The following ATP9A variants were observed in gnomAD, a reference collection of about 807,000 sequenced individuals.
ATP9A encodes probable phospholipid-transporting ATPase IIA.
ATP9A carries 52 observed loss-of-function variants against 144.1 expected under a neutral mutation model. The ratio of observed to expected loss-of-function variants is 0.36; its 90% CI spans 0.29 to 0.45. ATP9A has a LOEUF of 0.45. ATP9A is among the 20% of genes least tolerant of loss of function. The pLI is 1.00. For missense variants in ATP9A, 947 were observed against 1,392.7 expected, an observed-to-expected ratio of 0.68 and a Z score of 5.09; for synonymous variants, 582 against 557.4, an observed-to-expected ratio of 1.04 and a Z score of -0.62.
intron 16 of ATP9A, 97 bp downstream of exon 16, chr20:51,628,883 A>G: frequency 1.0e-6 from 1 of 997,272 alleles, no homozygotes; most frequent in South Asian, 1.5e-5. Context: ...TTACACAGCC[A>G]CCGATAACAA....
Position 51,597,868 on chromosome 20 carries a change from A to C in ATP9A, c.*3343T>G, listed in dbSNP as rs1182208949. ...AGGAAATGTTCATAAAGAGACAATGATTTTTAAGATTTACTGTCACAAAAA... is the reference window on the plus strand; with the variant it reads ...AGGAAATGTTCATAAAGAGACAATGCTTTTTAAGATTTACTGTCACAAAAA... On this transcript the variant is annotated 3_prime_UTR_variant, in exon 28 of 28. Transcript: ENST00000338821. The C allele has an allele frequency of 1.3e-5, 2 of 150,288 alleles. No individual in the cohort carries two copies. The highest frequency in any genetic ancestry group is 3.8e-4 in the East Asian group (2 of 5,198). 9.3% of individuals were successfully genotyped at this position (150,288 alleles called of 1,614,324 possible).
Position 51,729,785 on chromosome 20 carries a change from G to GT in ATP9A, c.213+48dup. 3 of 1,501,278 alleles carry GT rather than the reference G, an allele frequency of 2.0e-6. No homozygotes were observed. In the African/African-American group the frequency reaches 4.2e-5, roughly 21 times the overall value. The allele number at this position is 1,501,278 out of a possible 1,614,324, so 93.0% of individuals were successfully genotyped here. The stretch of plus-strand genomic sequence containing the variant: ...TGACATAACATCTGTACCAATGCAT[G>GT]TATTTGTGATGGAAAAAAGAAAAGA... On this transcript the variant is annotated intron_variant, in intron 2 of 27. Transcript: ENST00000338821.
chr20:51,623,216 T>C (rs4811206), intron 18 of ATP9A, among the ~76,000 whole-genome samples: 80,149 of 152,016 alleles, frequency 0.53, 21,745 homozygotes, highest in African/African-American at 0.66. Context: ...TTTGGTGAGC[T>C]TCGTTTAGTC....
chr20:51,727,721 G>T (rs1299142087), intron 2 of ATP9A, among the ~76,000 whole-genome samples: 2 of 152,042 alleles, frequency 1.3e-5, no homozygotes, highest in African/African-American at 4.8e-5. Context: ...CACGAGGTCA[G>T]GAGTTCAAGA....
At position 51,670,066 on chromosome 20, in the gene ATP9A, G is replaced by A. The variant is rs181367026; in HGVS notation, c.1224C>T (p.Leu408=). Residue 408 remains leucine (L), a synonymous_variant, in exon 13 of 28, where the codon CTC becomes CTT. Coordinates refer to ENST00000338821, the MANE Select transcript of ATP9A (RefSeq NM_006045.3). The stretch of plus-strand genomic sequence containing the variant: ...AGTCGAGGCCGTAGGCTACTGTTCC[G>A]AGATGGAGCCGTTTGAAAATCATCT... ...QNEMIFKRLH[L]GTVAYGLDSM... 281 of 1,614,174 alleles carry A rather than the reference G, an allele frequency of 1.7e-4. No homozygotes were observed. The highest frequency in any genetic ancestry group is 2.2e-4 in the Non-Finnish European group (257 of 1,180,020).
chr20:51,705,324 G>C (rs941783781), intron 4 of ATP9A, among the ~76,000 whole-genome samples: 6 of 152,106 alleles, frequency 3.9e-5, no homozygotes, highest in Non-Finnish European at 7.4e-5. Flanking sequence ...AAAATTTGTT[G>C]TCTCTTGTTA....
chr20:51,750,918 A>G (rs1283977316), intron 1 of ATP9A, among the ~76,000 whole-genome samples: 1 of 152,164 alleles, frequency 6.6e-6, no homozygotes, highest in Non-Finnish European at 1.5e-5. Context: ...CCTCCCTCCA[A>G]GCCTGCTATG....
intron 1 of ATP9A, among the ~76,000 whole-genome samples, chr20:51,765,889 A>G: frequency 6.6e-6 from 1 of 152,098 alleles, no homozygotes; most frequent in Non-Finnish European, 1.5e-5. Context: ...CCCAGGAGGC[A>G]GAGGTTGCAG....
chr20:51,714,433 G>A (rs1322989476), intron 3 of ATP9A, among the ~76,000 whole-genome samples: 3 of 152,084 alleles, frequency 2.0e-5, no homozygotes, highest in Admixed American at 6.6e-5. Context: ...CCAGGATGGA[G>A]TGCAGTGGCA....
chr20:51,655,799 C>T (rs567884195), intron 14 of ATP9A, among the ~76,000 whole-genome samples: 1 of 151,788 alleles, frequency 6.6e-6, no homozygotes, highest in South Asian at 2.1e-4. Flanking sequence ...CCAAGAGAAA[C>T]AGAAATCTAC....
At chr20:51,638,404 A>C (rs2077304454) in intron 15 of ATP9A, among the ~76,000 whole-genome samples, 1 of 151,696 alleles carries the variant, frequency 6.6e-6, no homozygotes, top group Non-Finnish European at 1.5e-5. Flanking sequence ...GAACCACCCC[A>C]CTCCAACATA....
chr20:51,695,178 A>G (rs1051490422), intron 6 of ATP9A, among the ~76,000 whole-genome samples: 3 of 152,178 alleles, frequency 2.0e-5, no homozygotes, highest in Admixed American at 2.0e-4. Context: ...AACAGCTTAA[A>G]TAACAAAAAT....
chr20:51,657,303 A>G (rs1328707917), intron 13 of ATP9A, among the ~76,000 whole-genome samples, 153 bp from the exon 14 acceptor site: 1 of 152,066 alleles, frequency 6.6e-6, no homozygotes, highest in Non-Finnish European at 1.5e-5. Flanking sequence ...AATAAATGAC[A>G]TGCAATTTTC....
At chr20:51,617,630 C>G (rs978398135) in intron 21 of ATP9A, 76 bp from the exon 22 acceptor site, 18 of 1,522,572 alleles carry the variant, frequency 1.2e-5, no homozygotes, top group Non-Finnish European at 1.6e-5. Flanking sequence ...GTCTTTACCG[C>G]ACTCTCGTCT....
At chr20:51,696,236 C>G in intron 5 of ATP9A, 92 bp from the exon 6 acceptor site, 2 of 1,190,026 alleles carry the variant, frequency 1.7e-6, no homozygotes, top group Non-Finnish European at 2.5e-6. Context: ...CCCAACCCCT[C>G]GGTGGGTTGG....
At chr20:51,628,853 C>T in intron 16 of ATP9A, 127 bp downstream of exon 16, 1 of 743,988 alleles carries the variant, frequency 1.3e-6, no homozygotes, top group Non-Finnish European at 2.3e-6. Context: ...CTTTAAGCAG[C>T]TGCATTTCAG....
chr20:51,697,696 A>G (rs2077576517), intron 4 of ATP9A, among the ~76,000 whole-genome samples: 1 of 152,198 alleles, frequency 6.6e-6, no homozygotes, highest in Admixed American at 6.5e-5. Flanking sequence ...CCCACTTCAC[A>G]GGGCACTGGA....
intron 1 of ATP9A, among the ~76,000 whole-genome samples, chr20:51,764,173 G>A (rs1881838490): frequency 6.6e-6 from 1 of 152,206 alleles, no homozygotes. Context: ...AAACAACTGA[G>A]ACTCAGAGAG....
intron 1 of ATP9A, among the ~76,000 whole-genome samples, chr20:51,763,675 C>T (rs1258372562): frequency 6.6e-6 from 1 of 152,138 alleles, no homozygotes; most frequent in Non-Finnish European, 1.5e-5. Flanking sequence ...CTGTTTAAAA[C>T]ATTGTGGTAG....
Sources: allele counts gnomAD v4.1 joint callset (sites outside exome capture counted in the v4.1 genomes callset), GRCh38; gene constraint gnomAD v4.1.1; transcripts MANE v1.5; gene names NCBI Gene and HGNC (gene_info 2026-07-23, HGNC 2026-07-21).